Variants in ERBB4 observed in about 807,000 individuals in gnomAD.
ERBB4 encodes the protein erb-b2 receptor tyrosine kinase 4.
Under a neutral mutation model 158.0 loss-of-function variants are expected in ERBB4, and 42 were observed. The ratio of observed to expected loss-of-function variants is 0.27; its 90% CI spans 0.21 to 0.34. ERBB4 has a LOEUF of 0.34. Among genes scored for constraint, ERBB4 ranks in the 10% least tolerant of loss-of-function variants. ERBB4 has a pLI of 1.00. For missense variants in ERBB4, 1,333 were observed against 1,624.1 expected (o/e 0.82, Z 3.08); for synonymous variants, 583 against 558.7 (o/e 1.04, Z -0.61).
chr2:212,511,450 A>G (rs1691515285), intron 1 of ERBB4, among the ~76,000 whole-genome samples: 1 of 152,188 alleles, frequency 6.6e-6, no homozygotes, highest in African/African-American at 2.4e-5. Context: ...AACTATTACA[A>G]AATTTAGGAC....
rs1206529412 is a variant in ERBB4, at chr2:211,860,961, T to A, written c.422-72802A>T. ...TATATATATTTTATATATATATAAA[T>A]ATATAAATATATTTAAATATATTAT... On this transcript the variant is annotated intron_variant, in intron 3 of 27. Coordinates refer to ENST00000342788, the MANE Select transcript of ERBB4 (RefSeq NM_005235.3). 2.9e-4 allele frequency among the ~76,000 whole-genome samples: 29 copies of A among 101,036 alleles called. 1 individual carries two copies. The highest frequency in any genetic ancestry group is 6.4e-4 in the South Asian group (2 of 3,132). 66.3% of individuals were successfully genotyped at this position (101,036 alleles called of 152,430 possible).
intron 1 of ERBB4, among the ~76,000 whole-genome samples, chr2:212,331,071 TACAC>T (rs1553619152): frequency 4.3e-4 from 51 of 119,848 alleles, no homozygotes; most frequent in East Asian, 1.1e-3. Flanking sequence ...TATATATATA[TACAC>T]ATATATATAT....
rs1415560600 is a variant in ERBB4, at chr2:211,892,451, A to T, written c.421+54979T>A. ...CTATGACAAACCCACAGCCAATATC[A>T]TACTGAATGGGCAAAAACTGGAAGC... On this transcript the variant is annotated intron_variant, in intron 3 of 27. Coordinates refer to ENST00000342788, the MANE Select transcript of ERBB4 (RefSeq NM_005235.3). 5.0e-4 allele frequency among the ~76,000 whole-genome samples: 62 copies of T among 123,354 alleles called. 2 individuals carry two copies. Among genetic ancestry groups the T allele is most frequent in the Middle Eastern group, 3.8e-3 (1 of 264 alleles). The allele number at this position is 123,354 out of a possible 152,430, so 80.9% of individuals were successfully genotyped here.
In ERBB4 at chr2:212,288,551, CA is replaced by C. The variant is rs900729363; in HGVS notation, c.83-163649del. Among the ~76,000 whole-genome samples, 7 of 152,042 alleles carry C rather than the reference CA, an allele frequency of 4.6e-5. 1 individual carries two copies. Among genetic ancestry groups the C allele is most frequent in the African/African-American group, 1.7e-4 (7 of 41,414 alleles). On this transcript the variant is annotated intron_variant, in intron 1 of 27. Coordinates refer to ENST00000342788, the MANE Select transcript of ERBB4 (RefSeq NM_005235.3). Reference sequence around the variant, plus strand: ...GGGAGGAGCCTGGCCTCTCCTGTTGCAGCATAGTAACCTGGAATTCAGTGTG... The same window carrying C: ...GGGAGGAGCCTGGCCTCTCCTGTTGCGCATAGTAACCTGGAATTCAGTGTG...
At chr2:211,482,133 T>C (rs1332791426) in intron 20 of ERBB4, among the ~76,000 whole-genome samples, 2 of 152,166 alleles carry the variant, frequency 1.3e-5, no homozygotes, top group African/African-American at 4.8e-5. Flanking sequence ...TAGGGAACTG[T>C]ATAAGGATAA....
At chr2:212,243,542 T>C (rs2084195580) in intron 1 of ERBB4, among the ~76,000 whole-genome samples, 1 of 152,226 alleles carries the variant, frequency 6.6e-6, no homozygotes, top group African/African-American at 2.4e-5. Flanking sequence ...CCACATCTAC[T>C]ACAGTTATAC....
At chr2:211,932,675 A>G (rs1420474458) in intron 3 of ERBB4, among the ~76,000 whole-genome samples, 1 of 151,996 alleles carries the variant, frequency 6.6e-6, no homozygotes, top group Admixed American at 6.6e-5. Flanking sequence ...ATTATATATT[A>G]CCATTGATTT....
chr2:211,525,364 A>G (rs2066318259), intron 20 of ERBB4, among the ~76,000 whole-genome samples: 1 of 152,108 alleles, frequency 6.6e-6, no homozygotes, highest in Non-Finnish European at 1.5e-5. Flanking sequence ...CCACAGTAGG[A>G]TAGGGCAGTG....
chr2:212,445,561 G>A (rs181182429), intron 1 of ERBB4, among the ~76,000 whole-genome samples: 20 of 152,192 alleles, frequency 1.3e-4, no homozygotes, highest in Admixed American at 5.9e-4. Flanking sequence ...TGACTGACCC[G>A]GACTATCAAG....
chr2:211,440,554 G>T (rs2063951085), intron 20 of ERBB4, among the ~76,000 whole-genome samples: 1 of 152,080 alleles, frequency 6.6e-6, no homozygotes, highest in African/African-American at 2.4e-5. Context: ...ATATTTTGTG[G>T]TTTCACAGAA....
At chr2:211,719,454 G>A (rs900402067) in intron 7 of ERBB4, among the ~76,000 whole-genome samples, 2 of 151,744 alleles carry the variant, frequency 1.3e-5, no homozygotes, top group African/African-American at 2.4e-5. Context: ...CTTTAGTACT[G>A]TGTTCCAAGC....
chr2:211,449,918 C>T (rs777239454), intron 20 of ERBB4, among the ~76,000 whole-genome samples: 30 of 152,094 alleles, frequency 2.0e-4, no homozygotes, highest in Non-Finnish European at 4.1e-4. Flanking sequence ...GATATAATAG[C>T]AATAACTTAT....
chr2:211,632,628 TTTG>T lies in ERBB4; in HGVS notation c.1947-2037_1947-2035del, dbSNP rs911282360. On this transcript the variant is annotated intron_variant, in intron 16 of 27. Coordinates refer to ENST00000342788, the MANE Select transcript of ERBB4 (RefSeq NM_005235.3). ...ATTTTGTTTTTTGTTTGTTTCTTTG[TTTG>T]TTGTTGTTGTTATTTTTTAAGAACA... is the stretch of plus-strand genomic sequence containing the variant. 2.0e-4 allele frequency among the ~76,000 whole-genome samples: 31 copies of T among 152,168 alleles called. No individual in the cohort carries two copies. In the South Asian group the frequency reaches 4.1e-3, roughly 20 times the overall value.
At chr2:212,178,127 G>A (rs1010520631) in intron 1 of ERBB4, among the ~76,000 whole-genome samples, 1 of 151,730 alleles carries the variant, frequency 6.6e-6, no homozygotes, top group African/African-American at 2.4e-5. Flanking sequence ...GGATGCTTAA[G>A]AAATATCAAG....
chr2:212,210,855 C>T (rs1230834715), intron 1 of ERBB4, among the ~76,000 whole-genome samples: 1 of 152,022 alleles, frequency 6.6e-6, no homozygotes. Context: ...TATCTCCAAC[C>T]TAGACAATAT....
chr2:212,288,326 G>A (rs754022628), intron 1 of ERBB4, among the ~76,000 whole-genome samples: 11 of 152,126 alleles, frequency 7.2e-5, no homozygotes, highest in Non-Finnish European at 1.6e-4. Flanking sequence ...GTGTTTCAAG[G>A]AGAGAAAATA....
chr2:212,303,220 A>G (rs966068567), intron 1 of ERBB4, among the ~76,000 whole-genome samples: 1 of 151,390 alleles, frequency 6.6e-6, no homozygotes, highest in African/African-American at 2.4e-5. Context: ...GCATTTCTCC[A>G]TATTTCTGTC....
chr2:211,754,436 C>G (rs1457346014), intron 4 of ERBB4, among the ~76,000 whole-genome samples: 2 of 139,508 alleles, frequency 1.4e-5, no homozygotes, highest in Admixed American at 7.7e-5. Flanking sequence ...GAGTCTCGCT[C>G]TGTTGCACAG....
chr2:212,022,474 CT>C (rs1380481464), intron 2 of ERBB4, among the ~76,000 whole-genome samples: 1 of 152,008 alleles, frequency 6.6e-6, no homozygotes, highest in Non-Finnish European at 1.5e-5. Flanking sequence ...CAAGTAGGAG[CT>C]GAACAATGAA....
Sources: allele counts gnomAD v4.1 joint callset (sites outside exome capture counted in the v4.1 genomes callset), GRCh38; gene constraint gnomAD v4.1.1; transcripts MANE v1.5; gene names NCBI Gene and HGNC (gene_info 2026-07-23, HGNC 2026-07-21).